Variants in MAF observed in about 807,000 individuals in gnomAD.
The protein encoded by MAF is MAF bZIP transcription factor, also known as transcription factor Maf.
In MAF, 10 loss-of-function variants were observed where a neutral mutation model predicts 22.0. The ratio of observed to expected loss-of-function variants is 0.45; its 90% CI spans 0.28 to 0.77. The LOEUF (loss-of-function observed/expected upper bound fraction) is 0.77, where lower values mean the gene tolerates loss of function less well. Among genes scored for constraint, MAF ranks in the 30% least tolerant of loss-of-function variants. MAF has a pLI of 0.12. For synonymous variants in MAF, 337 were observed against 255.8 expected (o/e 1.32, Z -3.03); for missense variants, 544 against 548.4 (o/e 0.99, Z 0.08).
At chr16:79,512,316 G>C in the MAF span, among the ~76,000 whole-genome samples, 1 of 152,278 alleles carries the variant, frequency 6.6e-6, no homozygotes, top group East Asian at 1.9e-4. Context: ...CCAGTATCCA[G>C]ACCATTTTCA....
the MAF span, among the ~76,000 whole-genome samples, chr16:79,537,374 T>C: frequency 6.6e-6 from 1 of 152,108 alleles, no homozygotes; most frequent in Non-Finnish European, 1.5e-5. Context: ...TTGATGAGTG[T>C]TTTATGTTCT....
intron 1 of MAF, chr16:79,595,796 C>A: frequency 9.5e-7 from 1 of 1,057,260 alleles, no homozygotes; most frequent in East Asian, 5.3e-5. Context: ...TAGAGAAGTT[C>A]TCCACTGAAT....
chr16:79,278,271 T>C, the MAF span, among the ~76,000 whole-genome samples: 8 of 152,216 alleles, frequency 5.3e-5, no homozygotes, highest in Non-Finnish European at 1.0e-4. Context: ...AGTGAATCTT[T>C]AGCAAAATCT....
the MAF span, among the ~76,000 whole-genome samples, chr16:79,214,958 C>T: frequency 1.3e-5 from 2 of 151,892 alleles, no homozygotes; most frequent in Non-Finnish European, 2.9e-5. Flanking sequence ...GATCCACCCA[C>T]CTCAGCCCCC....
At chr16:79,281,643 G>C in the MAF span, among the ~76,000 whole-genome samples, 2 of 148,986 alleles carry the variant, frequency 1.3e-5, no homozygotes, top group South Asian at 4.3e-4. Context: ...CCGCCTCCCA[G>C]GTTCAAGCGA....
the MAF span, chr16:79,212,323 C>G: frequency 6.4e-6 from 5 of 785,416 alleles, no homozygotes; most frequent in African/African-American, 1.7e-5. Context: ...ATCTCAGAAC[C>G]TTGTCCCAGC....
At chr16:79,202,681 C>T in the MAF span, 1 of 152,078 alleles carries the variant, frequency 6.6e-6, no homozygotes, top group African/African-American at 2.4e-5. Flanking sequence ...GTTTTTTCCC[C>T]TCTGTTAACA....
chr16:79,404,555 T>C, the MAF span, among the ~76,000 whole-genome samples: 61 of 152,328 alleles, frequency 4.0e-4, no homozygotes, highest in East Asian at 0.011. Context: ...AGACCTGCAC[T>C]TTACTTACCG....
the MAF span, among the ~76,000 whole-genome samples, chr16:79,310,146 T>A: frequency 6.6e-6 from 1 of 152,116 alleles, no homozygotes; most frequent in African/African-American, 2.4e-5. Flanking sequence ...CAATATACAA[T>A]CTTAGTGTCA....
At chr16:79,444,610 G>C in the MAF span, among the ~76,000 whole-genome samples, 11 of 152,206 alleles carry the variant, frequency 7.2e-5, no homozygotes, top group Non-Finnish European at 1.5e-4. Context: ...ATTGTGAGAA[G>C]ATTCGGGCCA....
chr16:79,425,763 A>G, the MAF span, among the ~76,000 whole-genome samples: 1 of 151,906 alleles, frequency 6.6e-6, no homozygotes, highest in Non-Finnish European at 1.5e-5. Flanking sequence ...AGTCCTTCCA[A>G]TCCTGTGGGC....
the MAF span, among the ~76,000 whole-genome samples, chr16:79,234,762 A>G: frequency 2.0e-5 from 3 of 152,076 alleles, no homozygotes; most frequent in Non-Finnish European, 4.4e-5. Flanking sequence ...CACAGTGGGG[A>G]GTGGCTCCCC....
chr16:79,235,577 G>A, the MAF span, among the ~76,000 whole-genome samples: 2 of 151,712 alleles, frequency 1.3e-5, no homozygotes, highest in Admixed American at 6.6e-5. Context: ...ATTGAAAGCC[G>A]CAGAAGCAGC....
chr16:79,388,960 T>A, the MAF span, among the ~76,000 whole-genome samples: 1 of 152,188 alleles, frequency 6.6e-6, no homozygotes, highest in Non-Finnish European at 1.5e-5. Flanking sequence ...TATTACCTAG[T>A]CTTACTACTG....
chr16:79,351,757 T>G, the MAF span, among the ~76,000 whole-genome samples: 2 of 152,018 alleles, frequency 1.3e-5, no homozygotes. Context: ...CATCCCAGGT[T>G]TCCAGTGACA....
At chr16:79,325,316 A>C in the MAF span, among the ~76,000 whole-genome samples, 1 of 152,198 alleles carries the variant, frequency 6.6e-6, no homozygotes, top group Non-Finnish European at 1.5e-5. Context: ...TGCAACTGGC[A>C]TTATCACGTG....
chr16:79,229,637 G>A, the MAF span, among the ~76,000 whole-genome samples: 1 of 152,092 alleles, frequency 6.6e-6, no homozygotes, highest in African/African-American at 2.4e-5. Flanking sequence ...AAGGCGAACA[G>A]ACTCGTGGCG....
the MAF span, chr16:79,205,302 C>T: frequency 6.6e-6 from 1 of 152,194 alleles, no homozygotes; most frequent in African/African-American, 2.4e-5. Context: ...TAGACACTGT[C>T]CCTAGTGTCA....
the MAF span, among the ~76,000 whole-genome samples, chr16:79,463,421 G>C: frequency 1.1e-4 from 16 of 152,272 alleles, no homozygotes; most frequent in East Asian, 2.5e-3. Flanking sequence ...TTTTAAGATA[G>C]CATAAACACA....
Sources: gnomAD v4.1 joint callset for allele counts (sites outside exome capture counted in the v4.1 genomes callset) on GRCh38, gnomAD v4.1.1 for gene constraint, MANE v1.5 for transcripts, NCBI Gene and HGNC (gene_info 2026-07-23, HGNC 2026-07-21) for gene names.